SCUBE3: variants seen among roughly 807,000 people sequenced by gnomAD.
The protein encoded by SCUBE3 is signal peptide, CUB and EGF-like domain-containing protein 3.
A neutral mutation model predicts 116.8 loss-of-function variants in SCUBE3; 33 were observed. That is an observed-to-expected ratio of 0.28 (90% CI 0.21 to 0.38). SCUBE3 has a LOEUF of 0.38. SCUBE3 is among the 10% of genes least tolerant of loss of function. SCUBE3 has a pLI of 1.00. For missense variants in SCUBE3, 1,007 were observed against 1,324.8 expected (o/e 0.76, Z 3.72); for synonymous variants, 418 against 496.9 (o/e 0.84, Z 2.11).
In SCUBE3 at chr6:35,238,026, C is replaced by T. The variant is rs558843690; in HGVS notation, c.829+8C>T. The T allele has an allele frequency of 1.1e-5, 17 of 1,536,188 alleles. No homozygotes were observed. The African/African-American group carries it at 2.2e-4, about 20-fold the overall frequency. On this transcript the variant is annotated splice_region_variant and intron_variant, in intron 7 of 21. Coordinates refer to ENST00000274938, the MANE Select transcript of SCUBE3 (RefSeq NM_152753.4). ...ACAGGAAGACGTGCAAAGGTAAGGA[C>T]TTTGAGAGGACAGAAGCAGAGTGAC...
intron 21 of SCUBE3, among the ~76,000 whole-genome samples, chr6:35,246,805 G>A (rs370851626): frequency 6.6e-6 from 1 of 151,908 alleles, no homozygotes; most frequent in Non-Finnish European, 1.5e-5. Context: ...GTGAAACCTC[G>A]TCTTAATTTT....
rs374387298 is a variant in SCUBE3, at chr6:35,245,336, C to A, written c.2510C>A (p.Pro837Gln). 1.6e-5 allele frequency: 26 copies of A among 1,614,050 alleles called. No homozygotes were observed. The highest frequency in any genetic ancestry group is 1.5e-4 in the Admixed American group (9 of 60,006). Residue 837 changes from proline to glutamine, a missense_variant, in exon 19 of 22, where the codon CCA becomes CAA. Pro to Gln is a moderately conservative substitution (Grantham distance 76). Around this residue, in one of 5 missense-constraint regions of SCUBE3, gnomAD observed 544 missense variants for 638.9 expected, o/e 0.85. Coordinates refer to ENST00000274938, the MANE Select transcript of SCUBE3 (RefSeq NM_152753.4). This position sits in a 1 kb window ranked among gnomAD's most constrained non-coding sequence, Gnocchi z 4.2. ...GAGTGCATCTGGAACATCAACCCCC[C>A]ACCCAAGCGCAAGATCCTTATCGTG... The part of the protein sequence containing the change: ...GVECIWNINP[P>Q]PKRKILIVVP...
rs978079741 is a variant in SCUBE3, at chr6:35,233,825, C to T, written c.712+524C>T. Among the ~76,000 whole-genome samples the T allele has an allele frequency of 2.0e-5, 3 of 152,184 alleles. No homozygotes were observed. The highest frequency in any genetic ancestry group is 3.9e-4 in the East Asian group (2 of 5,174). ...TTTCCTGGCTCCAGGTATCTTTTTCCTCTTTATTCCTTCTCTCCTCACTCT... is the reference window on the plus strand; with the variant it reads ...TTTCCTGGCTCCAGGTATCTTTTTCTTCTTTATTCCTTCTCTCCTCACTCT... On this transcript the variant is annotated intron_variant, in intron 6 of 21. Transcript: ENST00000274938. This position sits in a 1 kb window ranked among gnomAD's most constrained non-coding sequence, Gnocchi z 5.7.
At position 35,244,282 on chromosome 6, in the gene SCUBE3, G is replaced by GACCC; in HGVS notation, c.2239+157_2239+160dup. 1.5e-6 allele frequency: 1 copy of GACCC among 670,058 alleles called. No homozygotes were observed. Among genetic ancestry groups the GACCC allele is most frequent in the Non-Finnish European group, 2.5e-6 (1 of 396,394 alleles). The allele number at this position is 670,058 out of a possible 1,614,324, so 41.5% of individuals were successfully genotyped here. A position where few individuals can be genotyped will look rare whatever the true frequency, so the allele number is the denominator to read the frequency against. ...ACCAACCATACCATCCTGCTTCCAG[G>GACCC]ACCCACCCTGCCCCTCCACTAGTCC... On this transcript the variant is annotated intron_variant, in intron 17 of 21. Transcript: ENST00000274938. This position sits in a 1 kb window ranked among gnomAD's most constrained non-coding sequence, Gnocchi z 4.3.
At position 35,214,386 on chromosome 6, in the gene SCUBE3, G is replaced by A. The variant is rs1482720716; in HGVS notation, c.-33G>A. The A allele has an allele frequency of 7.2e-6, 10 of 1,387,858 alleles. No homozygotes were observed. Among genetic ancestry groups the A allele is most frequent in the South Asian group, 2.9e-5 (2 of 68,102 alleles). 86.0% of individuals were successfully genotyped at this position (1,387,858 alleles called of 1,614,324 possible). A position where few individuals can be genotyped will look rare whatever the true frequency, so the allele number is the denominator to read the frequency against. On this transcript the variant is annotated 5_prime_UTR_variant, in exon 1 of 22. Coordinates refer to ENST00000274938, the MANE Select transcript of SCUBE3 (RefSeq NM_152753.4). This position sits in a 1 kb window ranked among gnomAD's most constrained non-coding sequence, Gnocchi z 6.3. ...CCGCCCTCCCCTGGCCGCGAGACCGGCCCCGGCGGCTGGGCCGCCAGTAGC... is the reference window on the plus strand; with the variant it reads ...CCGCCCTCCCCTGGCCGCGAGACCGACCCCGGCGGCTGGGCCGCCAGTAGC...
At chr6:35,216,682 G>A (rs1431999578) in intron 1 of SCUBE3, among the ~76,000 whole-genome samples, 1 of 152,160 alleles carries the variant, frequency 6.6e-6, no homozygotes, top group East Asian at 1.9e-4. Flanking sequence ...ATATCTCCTG[G>A]TTATCAGCAG....
Position 35,233,343 on chromosome 6 carries a change from G to C in SCUBE3, c.712+42G>C. The C allele has an allele frequency of 2.5e-6, 3 of 1,188,000 alleles. No individual in the cohort carries two copies. Among genetic ancestry groups the C allele is most frequent in the Non-Finnish European group, 3.8e-6 (3 of 793,998 alleles). 73.6% of individuals were successfully genotyped at this position (1,188,000 alleles called of 1,614,324 possible). On this transcript the variant is annotated intron_variant, in intron 6 of 21. Coordinates refer to ENST00000274938, the MANE Select transcript of SCUBE3 (RefSeq NM_152753.4). This position sits in a 1 kb window ranked among gnomAD's most constrained non-coding sequence, Gnocchi z 5.7. ...GAGAACTCAGTCCACCTGAGATGGG[G>C]TGGGGGTGGGACCCTTTGGGAACCA...
At position 35,248,954 on chromosome 6, in the gene SCUBE3, C is replaced by G. The variant is rs896696460; in HGVS notation, c.*249C>G. 7.8e-6 allele frequency: 4 copies of G among 511,292 alleles called. No homozygotes were observed. The highest frequency in any genetic ancestry group is 7.0e-5 in the Admixed American group (2 of 28,490). The allele number at this position is 511,292 out of a possible 1,614,324, so 31.7% of individuals were successfully genotyped here. On this transcript the variant is annotated 3_prime_UTR_variant, in exon 22 of 22. Coordinates refer to ENST00000274938, the MANE Select transcript of SCUBE3 (RefSeq NM_152753.4). The stretch of plus-strand genomic sequence containing the variant: ...CTAGAAAAGCCATTCAGTACTGGCT[C>G]TAGTCCCCGTGAGATGTAAAGAAAC...
At position 35,213,965 on chromosome 6, in the gene SCUBE3, G is replaced by A. The variant is rs1766633723; in HGVS notation, c.-454G>A. On this transcript the variant is annotated 5_prime_UTR_variant, in exon 1 of 22. Transcript: ENST00000274938. The surrounding 1 kb of genome is among the most constrained non-coding windows in gnomAD (Gnocchi z 4.5). ...GAGAGACGGAGAAAGAGCGAGAGAGGAAGAAAGAGAGGCAGAAAGGGCGTG... is the reference window on the plus strand; with the variant it reads ...GAGAGACGGAGAAAGAGCGAGAGAGAAAGAAAGAGAGGCAGAAAGGGCGTG... Among the ~76,000 whole-genome samples the A allele has an allele frequency of 6.6e-6, 1 of 152,180 alleles. No individual in the cohort carries two copies. Among genetic ancestry groups the A allele is most frequent in the South Asian group, 2.1e-4 (1 of 4,834 alleles).
chr6:35,248,149 G>C (rs1388916908), intron 21 of SCUBE3, among the ~76,000 whole-genome samples: 1 of 140,172 alleles, frequency 7.1e-6, no homozygotes, highest in African/African-American at 2.6e-5. Context: ...GGCTGCTGTG[G>C]GGAGAAGAGT....
Position 35,241,794 on chromosome 6 carries a change from T to C in SCUBE3, c.1313-12T>C, listed in dbSNP as rs1784068016. On this transcript the variant is annotated splice_polypyrimidine_tract_variant and intron_variant, in intron 11 of 21. Coordinates refer to ENST00000274938, the MANE Select transcript of SCUBE3 (RefSeq NM_152753.4). This position sits in a 1 kb window ranked among gnomAD's most constrained non-coding sequence, Gnocchi z 4.1. Reference sequence around the variant, plus strand: ...AAGGCAGGTCAGAACTGTGACAGGCTCCTTTTCTCAGAGTCTGAGAATGGC... The same window carrying C: ...AAGGCAGGTCAGAACTGTGACAGGCCCCTTTTCTCAGAGTCTGAGAATGGC... The C allele has an allele frequency of 6.2e-7, 1 of 1,605,402 alleles. No individual in the cohort carries two copies. The highest frequency in any genetic ancestry group is 8.5e-7 in the Non-Finnish European group (1 of 1,172,252).
intron 3 of SCUBE3, among the ~76,000 whole-genome samples, chr6:35,229,507 A>G (rs757935747): frequency 5.9e-5 from 9 of 152,192 alleles, no homozygotes; most frequent in Non-Finnish European, 1.0e-4. Flanking sequence ...TCCTTAGCAC[A>G]TGGTAGGAGC....
At position 35,219,109 on chromosome 6, in the gene SCUBE3, A is replaced by G. The variant is rs928788190; in HGVS notation, c.85+4606A>G. Among the ~76,000 whole-genome samples the G allele has an allele frequency of 1.3e-5, 2 of 152,046 alleles. No individual in the cohort carries two copies. Among genetic ancestry groups the G allele is most frequent in the African/African-American group, 4.8e-5 (2 of 41,382 alleles). On this transcript the variant is annotated intron_variant, in intron 1 of 21. Coordinates refer to ENST00000274938, the MANE Select transcript of SCUBE3 (RefSeq NM_152753.4). The surrounding 1 kb of genome is among the most constrained non-coding windows in gnomAD (Gnocchi z 4.7). ...GCCTGCCTGAGGCTAGGTCATCTGG[A>G]TACTCTTCCTTTCTTCCCCCACCCC...
intron 21 of SCUBE3, among the ~76,000 whole-genome samples, chr6:35,247,208 G>A (rs1346070493): frequency 3.3e-5 from 5 of 152,082 alleles, no homozygotes; most frequent in African/African-American, 1.2e-4. Context: ...GCTGAGGCGG[G>A]TGGATCGCCT....
In SCUBE3 at chr6:35,243,180, G is replaced by A. The variant is rs144135836; in HGVS notation, c.1853G>A (p.Arg618Gln). 9.5e-5 allele frequency: 153 copies of A among 1,614,208 alleles called. 3 individuals are homozygous for A. In the South Asian group the frequency reaches 1.4e-3, roughly 15 times the overall value. Residue 618 changes from arginine to glutamine, a missense_variant, in exon 15 of 22, where the codon CGA (arginine) becomes CAA (glutamine). Transcript: ENST00000274938. This position sits in a 1 kb window ranked among gnomAD's most constrained non-coding sequence, Gnocchi z 6.6. ...AAGCCGGGCCTGGTAGCCGGGGAGC[G>A]AGCAGAGCCGATGGAGTCCTGTAGG... ...AHKPGLVAGE[R>Q]AEPMESCRPG...
In SCUBE3 at chr6:35,250,551, G is replaced by A. The variant is rs1322874602; in HGVS notation, c.*1846G>A. The A allele has an allele frequency of 6.6e-6, 1 of 152,156 alleles. No individual in the cohort carries two copies. Among genetic ancestry groups the A allele is most frequent in the Non-Finnish European group, 1.5e-5 (1 of 68,036 alleles). 9.4% of individuals were successfully genotyped at this position (152,156 alleles called of 1,614,324 possible). On this transcript the variant is annotated 3_prime_UTR_variant, in exon 22 of 22. Coordinates refer to ENST00000274938, the MANE Select transcript of SCUBE3 (RefSeq NM_152753.4). ...TTTCAGAAGGAAGAAAGAATCAAAT[G>A]GAAGAAGAATCAAGTCCATGCCCAA...
In SCUBE3 at chr6:35,214,870, G is replaced by A. The variant is rs1477094862; in HGVS notation, c.85+367G>A. Among the ~76,000 whole-genome samples the A allele has an allele frequency of 6.6e-6, 1 of 152,214 alleles. No individual in the cohort carries two copies. The highest frequency in any genetic ancestry group is 2.4e-5 in the African/African-American group (1 of 41,456). ...AACATTGCCAGAAACTTACGCTGTGGCCTGGAGAGACTGAGGGAATAATGA... is the reference window on the plus strand; with the variant it reads ...AACATTGCCAGAAACTTACGCTGTGACCTGGAGAGACTGAGGGAATAATGA... On this transcript the variant is annotated intron_variant, in intron 1 of 21. Transcript: ENST00000274938. This position sits in a 1 kb window ranked among gnomAD's most constrained non-coding sequence, Gnocchi z 6.3.
At chr6:35,217,113 T>C (rs1782926634) in intron 1 of SCUBE3, among the ~76,000 whole-genome samples, 1 of 151,446 alleles carries the variant, frequency 6.6e-6, no homozygotes, top group South Asian at 2.1e-4. Context: ...TTGAGTGTTT[T>C]TCAAGTGCTT....
Position 35,244,831 on chromosome 6 carries a change from G to A in SCUBE3, c.2401+20G>A. ...GCAAGAGTACGTGGCAAGCCAGGCT[G>A]TGCAAAAGGGAGGAGAGAGGCCTGG... On this transcript the variant is annotated intron_variant, in intron 18 of 21. Coordinates refer to ENST00000274938, the MANE Select transcript of SCUBE3 (RefSeq NM_152753.4). The surrounding 1 kb of genome is among the most constrained non-coding windows in gnomAD (Gnocchi z 4.3). 1 of 1,612,728 alleles carries A rather than the reference G, an allele frequency of 6.2e-7. No individual in the cohort carries two copies. Among genetic ancestry groups the A allele is most frequent in the African/African-American group, 1.3e-5 (1 of 75,024 alleles).
Sources: gnomAD v4.1 joint callset for allele counts (sites outside exome capture counted in the v4.1 genomes callset) on GRCh38, gnomAD v4.1.1 for gene constraint, gnomAD v4.1.1 regional missense constraint, Gnocchi (gnomAD v3.1) non-coding constraint, MANE v1.5 for transcripts, NCBI Gene and HGNC (gene_info 2026-07-23, HGNC 2026-07-21) for gene names.